The following AIM2 variants were observed in gnomAD, a reference collection of about 807,000 sequenced individuals.
The protein encoded by AIM2 is absent in melanoma 2, also known as interferon-inducible protein AIM2.
AIM2 carries 30 observed loss-of-function variants against 27.7 expected under a neutral mutation model. The observed-to-expected ratio is 1.08, with a 90% confidence interval of 0.81 to 1.47. AIM2 has a LOEUF of 1.47. AIM2 is among the 40% of genes most tolerant of loss of function. AIM2 has a pLI of 0.00. For synonymous variants in AIM2, 141 were observed against 145.3 expected (o/e 0.97, Z 0.21); for missense variants, 358 against 411.3 (o/e 0.87, Z 1.12).
chr1:159,103,360 T>C (rs1440676121), intron 1 of AIM2, among the ~76,000 whole-genome samples: 1 of 133,062 alleles, frequency 7.5e-6, no homozygotes, highest in African/African-American at 2.6e-5. Flanking sequence ...GGCTAATACA[T>C]CACAGTTTTC....
chr1:159,067,398 C>T (rs1656152004), intron 3 of AIM2, among the ~76,000 whole-genome samples: 1 of 152,222 alleles, frequency 6.6e-6, no homozygotes, highest in Non-Finnish European at 1.5e-5. Flanking sequence ...AAGGGAAATA[C>T]AGGGCAAAAC....
chr1:159,098,422 AATAAAAGTAAAAATGT>A (rs1657224966), intron 1 of AIM2, among the ~76,000 whole-genome samples: 1 of 151,770 alleles, frequency 6.6e-6, no homozygotes, highest in Non-Finnish European at 1.5e-5. Context: ...ATTAAATATT[AATAAAAGTAAAAATGT>A]ATTTCTTCAG....
At chr1:159,078,039 G>T (rs1570951366), upstream of AIM2, among the ~76,000 whole-genome samples, 1 of 152,134 alleles carries the variant, frequency 6.6e-6, no homozygotes, top group African/African-American at 2.4e-5. Flanking sequence ...CAGGTAATCA[G>T]CCCAGAGCTG....
At chr1:159,086,667 G>A (rs1408930455) in intron 1 of AIM2, among the ~76,000 whole-genome samples, 2 of 152,174 alleles carry the variant, frequency 1.3e-5, no homozygotes, top group Non-Finnish European at 2.9e-5. Flanking sequence ...GCAATAAAGT[G>A]GAAAGAAGTA....
chr1:159,134,598 G>C (rs1480226231), intron 1 of AIM2, among the ~76,000 whole-genome samples: 1 of 152,174 alleles, frequency 6.6e-6, no homozygotes, highest in Non-Finnish European at 1.5e-5. Flanking sequence ...TTGGGAGGCG[G>C]AGGCGGGTGG....
upstream of AIM2, among the ~76,000 whole-genome samples, chr1:159,141,199 G>A (rs1648104545): frequency 6.6e-6 from 1 of 152,178 alleles, no homozygotes; most frequent in Admixed American, 6.5e-5. Flanking sequence ...GGTCAAGGAA[G>A]GTGTTACCTC....
At chr1:159,106,560 A>ATC (rs918950569) in intron 1 of AIM2, among the ~76,000 whole-genome samples, 3 of 152,220 alleles carry the variant, frequency 2.0e-5, no homozygotes, top group Non-Finnish European at 4.4e-5. Flanking sequence ...ATCCATTCAG[A>ATC]TCTGGGTGGA....
intron 4 of AIM2, among the ~76,000 whole-genome samples, chr1:159,065,542 C>G (rs1656045519): frequency 6.6e-6 from 1 of 152,168 alleles, no homozygotes; most frequent in African/African-American, 2.4e-5. Flanking sequence ...CTCAACTACA[C>G]TTACTTTGCA....
intron 1 of AIM2, among the ~76,000 whole-genome samples, chr1:159,115,987 A>G (rs1458173691): frequency 6.7e-6 from 1 of 150,098 alleles, no homozygotes; most frequent in Non-Finnish European, 1.5e-5. Context: ...AATTTACAAG[A>G]AAAAAACAAA....
At chr1:159,137,392 C>T (rs1486707041) in intron 1 of AIM2, among the ~76,000 whole-genome samples, 1 of 152,132 alleles carries the variant, frequency 6.6e-6, no homozygotes, top group Non-Finnish European at 1.5e-5. Context: ...CGTGGTGGCT[C>T]ACACCTGTAA....
chr1:159,126,977 C>T (rs889095768), intron 1 of AIM2, among the ~76,000 whole-genome samples: 7 of 152,010 alleles, frequency 4.6e-5, no homozygotes, highest in Admixed American at 3.9e-4. Context: ...GTAAAGGGGC[C>T]AAAAACAACT....
At chr1:159,101,927 T>C (rs751391830) in intron 1 of AIM2, among the ~76,000 whole-genome samples, 2 of 152,072 alleles carry the variant, frequency 1.3e-5, no homozygotes, top group African/African-American at 4.8e-5. Flanking sequence ...TGGGGAGAAA[T>C]TCAAGCCAGC....
intron 1 of AIM2, among the ~76,000 whole-genome samples, chr1:159,112,114 A>G (rs994535813): frequency 1.3e-5 from 2 of 152,136 alleles, no homozygotes; most frequent in African/African-American, 4.8e-5. Context: ...GATACGTATA[A>G]ATTAAACTTG....
intron 1 of AIM2, among the ~76,000 whole-genome samples, chr1:159,102,721 A>G (rs905019471): frequency 2.6e-5 from 4 of 152,328 alleles, no homozygotes; most frequent in South Asian, 2.1e-4. Context: ...CTGGCCTTGC[A>G]TGGGGCCTGT....
intron 4 of AIM2, among the ~76,000 whole-genome samples, chr1:159,064,342 G>A (rs556150117): frequency 6.6e-6 from 1 of 152,352 alleles, no homozygotes; most frequent in East Asian, 1.9e-4. Flanking sequence ...TCCTTTAGGA[G>A]GAGGCCAGGG....
chr1:159,104,890 C>G (rs1657397142), intron 1 of AIM2, among the ~76,000 whole-genome samples: 1 of 152,144 alleles, frequency 6.6e-6, no homozygotes, highest in Admixed American at 6.5e-5. Context: ...ATAATAATAC[C>G]TACGACATAG....
chr1:159,110,825 T>C (rs528747180), intron 1 of AIM2, among the ~76,000 whole-genome samples: 1 of 152,322 alleles, frequency 6.6e-6, no homozygotes, highest in East Asian at 1.9e-4. Context: ...GGCTAAAGTG[T>C]CATCTGTTCA....
chr1:159,058,236 C>T (rs535261784), downstream of AIM2, among the ~76,000 whole-genome samples: 13 of 151,952 alleles, frequency 8.6e-5, no homozygotes, highest in South Asian at 2.5e-3. Flanking sequence ...GTAGTCCCAG[C>T]TACTTGGGAG....
intron 1 of AIM2, among the ~76,000 whole-genome samples, chr1:159,073,814 G>A (rs1219446328): frequency 2.6e-5 from 4 of 152,142 alleles, no homozygotes; most frequent in East Asian, 1.9e-4. Context: ...CAAGGTGGGC[G>A]GATCACCTGC....
Sources: allele counts gnomAD v4.1 joint callset (sites outside exome capture counted in the v4.1 genomes callset), GRCh38; gene constraint gnomAD v4.1.1; transcripts MANE v1.5; gene names NCBI Gene and HGNC (gene_info 2026-07-23, HGNC 2026-07-21).